PPP1R1C: variants seen among roughly 807,000 people sequenced by gnomAD.
PPP1R1C encodes the protein protein phosphatase 1 regulatory subunit 1C.
A neutral mutation model predicts 17.4 loss-of-function variants in PPP1R1C; 15 were observed. That is an observed-to-expected ratio of 0.86 (90% CI 0.58 to 1.33). PPP1R1C has a LOEUF of 1.33. Among genes scored for constraint, PPP1R1C ranks in the 40% most tolerant of loss-of-function variants. The probability of loss-of-function intolerance (pLI) is 0.00; values close to 1 mark genes in which losing one functional copy is unlikely to be tolerated. For synonymous variants in PPP1R1C, 35 were observed against 43.1 expected (o/e 0.81, Z 0.73); for missense variants, 143 against 130.0 (o/e 1.10, Z -0.48).
At chr2:182,046,663 CAGG>C (rs1687356542) in intron 2 of PPP1R1C, among the ~76,000 whole-genome samples, 1 of 151,078 alleles carries the variant, frequency 6.6e-6, no homozygotes, top group Non-Finnish European at 1.5e-5. Context: ...CACTTGAACC[CAGG>C]AGGTGGAGGT....
At chr2:181,964,049 C>G (rs954766829) in intron 1 of PPP1R1C, among the ~76,000 whole-genome samples, 5 of 152,156 alleles carry the variant, frequency 3.3e-5, no homozygotes, top group Non-Finnish European at 7.4e-5. Flanking sequence ...AATACCAGAT[C>G]TTATTTATTC....
chr2:182,126,317 T>C (rs1267871273), intron 5 of PPP1R1C, among the ~76,000 whole-genome samples: 1 of 152,068 alleles, frequency 6.6e-6, no homozygotes, highest in Non-Finnish European at 1.5e-5. Flanking sequence ...GTAAGCAGAA[T>C]GTAGAAGAAA....
intron 4 of PPP1R1C, among the ~76,000 whole-genome samples, chr2:182,109,506 G>T (rs1689354813): frequency 6.6e-6 from 1 of 152,042 alleles, no homozygotes; most frequent in Admixed American, 6.6e-5. Context: ...ATCAATTTGG[G>T]TTTTTTTGGT....
intron 4 of PPP1R1C, among the ~76,000 whole-genome samples, chr2:182,067,754 A>G (rs540571893): frequency 2.1e-3 from 313 of 152,302 alleles, no homozygotes; most frequent in African/African-American, 7.2e-3. Flanking sequence ...CAAGACGCAC[A>G]GTTAAGGCAA....
intron 4 of PPP1R1C, among the ~76,000 whole-genome samples, chr2:182,077,317 G>A (rs747076175): frequency 1.3e-5 from 2 of 152,128 alleles, no homozygotes; most frequent in East Asian, 1.9e-4. Flanking sequence ...AAGGAGAAAC[G>A]CCTGATCGTC....
chr2:181,972,309 T>G (rs749909313), intron 1 of PPP1R1C, among the ~76,000 whole-genome samples: 2 of 152,194 alleles, frequency 1.3e-5, no homozygotes, highest in Non-Finnish European at 2.9e-5. Flanking sequence ...AGTCAGAGAA[T>G]AAATCCAAGA....
At chr2:181,977,417 C>A (rs1685113633) in intron 2 of PPP1R1C, among the ~76,000 whole-genome samples, 1 of 151,928 alleles carries the variant, frequency 6.6e-6, no homozygotes, top group Admixed American at 6.6e-5. Flanking sequence ...GTCCTCTTTT[C>A]CCCCTTAACA....
At chr2:182,109,474 T>A (rs1689353377) in intron 4 of PPP1R1C, among the ~76,000 whole-genome samples, 1 of 152,224 alleles carries the variant, frequency 6.6e-6, no homozygotes. Flanking sequence ...ATCATAAATG[T>A]GTGTTTTACA....
chr2:182,018,517 T>A (rs1379004672), intron 2 of PPP1R1C, among the ~76,000 whole-genome samples: 1 of 152,162 alleles, frequency 6.6e-6, no homozygotes, highest in Admixed American at 6.5e-5. Context: ...CTTATAAAGT[T>A]TAGATTGTTC....
intron 2 of PPP1R1C, among the ~76,000 whole-genome samples, chr2:182,056,578 T>C (rs1205504143): frequency 6.6e-6 from 1 of 152,200 alleles, no homozygotes; most frequent in East Asian, 1.9e-4. Flanking sequence ...GACCCTCTGT[T>C]ATCTAAATTC....
intron 4 of PPP1R1C, among the ~76,000 whole-genome samples, chr2:182,104,732 G>A (rs1689196230): frequency 6.6e-6 from 1 of 152,078 alleles, no homozygotes; most frequent in Non-Finnish European, 1.5e-5. Context: ...TTTTCTTGTG[G>A]CATCCTTTTG....
downstream of PPP1R1C, among the ~76,000 whole-genome samples, chr2:182,122,696 C>T (rs376354597): frequency 1.3e-5 from 2 of 151,106 alleles, no homozygotes; most frequent in Admixed American, 1.3e-4. Flanking sequence ...CTTTTAAATA[C>T]GTAAGCCAAA....
At chr2:181,960,615 T>C (rs1684757215) in intron 1 of PPP1R1C, among the ~76,000 whole-genome samples, 1 of 152,222 alleles carries the variant, frequency 6.6e-6, no homozygotes, top group Admixed American at 6.5e-5. Context: ...ACAGTTTCTA[T>C]TAGTGTTTTC....
At chr2:182,021,702 T>C (rs927818590) in intron 2 of PPP1R1C, among the ~76,000 whole-genome samples, 1 of 152,158 alleles carries the variant, frequency 6.6e-6, no homozygotes, top group African/African-American at 2.4e-5. Context: ...TCTCTGCCTT[T>C]TAAAAACTGC....
chr2:181,966,149 TA>T (rs1684900275), intron 1 of PPP1R1C, among the ~76,000 whole-genome samples: 1 of 152,228 alleles, frequency 6.6e-6, no homozygotes, highest in Non-Finnish European at 1.5e-5. Context: ...TTTTATATGT[TA>T]ATTTTGTATG....
At chr2:182,055,103 A>G (rs1230829172) in intron 2 of PPP1R1C, among the ~76,000 whole-genome samples, 1 of 151,712 alleles carries the variant, frequency 6.6e-6, no homozygotes, top group Non-Finnish European at 1.5e-5. Context: ...TGCCTAGGTT[A>G]CTTGAACATT....
At chr2:182,128,473 T>C (rs556799145) in intron 5 of PPP1R1C, among the ~76,000 whole-genome samples, 4 of 152,092 alleles carry the variant, frequency 2.6e-5, no homozygotes, top group South Asian at 2.1e-4. Flanking sequence ...TTTCAAGAAC[T>C]GCAGGCAAGT....
chr2:182,028,518 G>T (rs1376417163), intron 2 of PPP1R1C, among the ~76,000 whole-genome samples: 1 of 152,184 alleles, frequency 6.6e-6, no homozygotes, highest in South Asian at 2.1e-4. Flanking sequence ...GTAGTTGAGC[G>T]GTTTTGAGTG....
intron 4 of PPP1R1C, among the ~76,000 whole-genome samples, chr2:182,102,369 T>C (rs771799818): frequency 6.6e-6 from 1 of 152,204 alleles, no homozygotes; most frequent in Admixed American, 6.5e-5. Flanking sequence ...AGACTATTTC[T>C]AGTTAGAGTA....
Sources: allele counts gnomAD v4.1 joint callset (sites outside exome capture counted in the v4.1 genomes callset), GRCh38; gene constraint gnomAD v4.1.1; transcripts MANE v1.5; gene names NCBI Gene and HGNC (gene_info 2026-07-23, HGNC 2026-07-21).